Variants in AP3M1 observed in about 807,000 individuals in gnomAD.
The protein encoded by AP3M1 is adaptor related protein complex 3 subunit mu 1.
AP3M1 carries 29 observed loss-of-function variants against 42.6 expected under a neutral mutation model. The ratio of observed to expected loss-of-function variants is 0.68; its 90% CI spans 0.51 to 0.93. The LOEUF (loss-of-function observed/expected upper bound fraction) is 0.93, where lower values mean the gene tolerates loss of function less well. AP3M1 is among the 40% of genes least tolerant of loss of function. The pLI, the probability that AP3M1 is intolerant of heterozygous loss-of-function variation, is 0.00. For synonymous variants in AP3M1, 178 were observed against 175.3 expected (o/e 1.02, Z -0.12); for missense variants, 416 against 510.2 (o/e 0.82, Z 1.78).
At position 74,139,464 on chromosome 10, in the gene AP3M1, AC is replaced by A. The variant is rs1447857798; in HGVS notation, c.-3-1083del. Among the ~76,000 whole-genome samples the A allele has an allele frequency of 5.5e-3, 812 of 148,560 alleles. 11 individuals are homozygous for A. Among genetic ancestry groups the A allele is most frequent in the African/African-American group, 0.019 (760 of 40,112 alleles). On this transcript the variant is annotated intron_variant, in intron 1 of 8. Transcript: ENST00000355264. ...CCTCATCTCTATTAAAAAAAAAAAA[AC>A]AAAACAAAACTGAAAATGAAATAAA...
intron 3 of AP3M1, 94 bp downstream of exon 3, chr10:74,136,538 T>A: frequency 2.0e-6 from 2 of 1,006,264 alleles, no homozygotes; most frequent in Non-Finnish European, 2.7e-6. Context: ...GGCCAAATTG[T>A]ACTACCTTAA....
At chr10:74,149,272 T>G (rs1413415326) in intron 1 of AP3M1, among the ~76,000 whole-genome samples, 4 of 14,470 alleles carry the variant, frequency 2.8e-4, no homozygotes, top group Non-Finnish European at 1.7e-4. Context: ...GTAAGGTTTT[T>G]TTTTTTTTTT....
At chr10:74,129,304 T>C in intron 5 of AP3M1, 63 bp from the exon 6 acceptor site, 1 of 1,540,798 alleles carries the variant, frequency 6.5e-7, no homozygotes, top group Non-Finnish European at 8.8e-7. Flanking sequence ...TGTACTCAGA[T>C]ACCTTGACAA....
intron 2 of AP3M1, 100 bp downstream of exon 2, chr10:74,138,007 A>G: frequency 1.6e-6 from 2 of 1,239,828 alleles, no homozygotes; most frequent in Non-Finnish European, 2.2e-6. Context: ...AGAGAGACAG[A>G]CAGTAAACAT....
intron 3 of AP3M1, 30 bp downstream of exon 3, chr10:74,136,602 A>T: frequency 6.9e-7 from 1 of 1,442,162 alleles, no homozygotes; most frequent in Non-Finnish European, 9.3e-7. Flanking sequence ...TTAATTGCTC[A>T]GTTACTAGCA....
chr10:74,150,412 G>A (rs1841522368), intron 1 of AP3M1: 1 of 152,702 alleles, frequency 6.5e-6, no homozygotes, highest in African/African-American at 2.4e-5. Flanking sequence ...CCGCTAACAG[G>A]ACGTCTGCTC....
At chr10:74,124,616 C>A (rs1840563250) in intron 7 of AP3M1, 92 bp from the exon 8 acceptor site, 2 of 1,080,850 alleles carry the variant, frequency 1.9e-6, no homozygotes, top group Non-Finnish European at 2.6e-6. Flanking sequence ...AACTTCTGTA[C>A]AAACTGAAGT....
chr10:74,146,214 T>G (rs1057395781), intron 1 of AP3M1, among the ~76,000 whole-genome samples: 212 of 151,948 alleles, frequency 1.4e-3, no homozygotes, highest in Non-Finnish European at 2.1e-3. Flanking sequence ...ATATGGAAGG[T>G]GGAGGGAAGA....
Position 74,149,752 on chromosome 10 carries a change from T to C in AP3M1, c.-4+1003A>G, listed in dbSNP as rs550861672. Among the ~76,000 whole-genome samples, 9 of 152,312 alleles carry C rather than the reference T, an allele frequency of 5.9e-5. No individual in the cohort carries two copies. The East Asian group carries it at 1.7e-3, about 29-fold the overall frequency. On this transcript the variant is annotated intron_variant, in intron 1 of 8. Coordinates refer to ENST00000355264, the MANE Select transcript of AP3M1 (RefSeq NM_012095.6). ...GGGAGACAAGACTTTTTCTTGAATC[T>C]TCAAATAGTTGCTTGCTTCCTGCCC...
In AP3M1 at chr10:74,126,245, A is replaced by G; in HGVS notation, c.914T>C (p.Ile305Thr). The change falls in exon 7 of 9, where the codon ATT (isoleucine) becomes ACT (threonine). Residue 305 changes from isoleucine to threonine, a missense_variant. Physicochemically the swap from Ile to Thr is moderately conservative, Grantham distance 89. Transcript: ENST00000355264. ...GTGAACTGTCACTGTAATTCCTTCA[A>G]TAGTTTTCCCCATATTCTGCTTTGG... is the stretch of plus-strand genomic sequence containing the variant. The part of the protein sequence containing the change: ...IGPKQNMGKT[I>T]EGITVTVHMP... The G allele has an allele frequency of 6.2e-7, 1 of 1,614,170 alleles. No homozygotes were observed. Among genetic ancestry groups the G allele is most frequent in the Non-Finnish European group, 8.5e-7 (1 of 1,180,026 alleles).
intron 1 of AP3M1, among the ~76,000 whole-genome samples, chr10:74,140,255 C>T (rs939500072): frequency 2.6e-5 from 4 of 152,228 alleles, no homozygotes; most frequent in East Asian, 1.9e-4. Context: ...TGCAGGCGGC[C>T]GTGCGCCCAA....
In AP3M1 at chr10:74,123,464, C is replaced by G; in HGVS notation, c.*346G>C. On this transcript the variant is annotated 3_prime_UTR_variant, in exon 9 of 9. Coordinates refer to ENST00000355264, the MANE Select transcript of AP3M1 (RefSeq NM_012095.6). Reference sequence around the variant, plus strand: ...CATCACAGATTTAAGATAGCTTCTGCTGGATGAGACCAGTTAACTCTTTTA... The same window carrying G: ...CATCACAGATTTAAGATAGCTTCTGGTGGATGAGACCAGTTAACTCTTTTA... 1 of 228,974 alleles carries G rather than the reference C, an allele frequency of 4.4e-6. No homozygotes were observed. Among genetic ancestry groups the G allele is most frequent in the South Asian group, 8.5e-5 (1 of 11,756 alleles). The allele number at this position is 228,974 out of a possible 1,614,324, so 14.2% of individuals were successfully genotyped here.
chr10:74,139,221 A>C (rs2395086), intron 1 of AP3M1, among the ~76,000 whole-genome samples: 99,896 of 151,610 alleles, frequency 0.66, 33,625 homozygotes, highest in Middle Eastern at 0.8. Context: ...CACACACACA[A>C]AAAAAAACCT....
At chr10:74,126,543 T>C (rs1178179630) in intron 6 of AP3M1, among the ~76,000 whole-genome samples, 188 bp from the exon 7 acceptor site, 1 of 152,074 alleles carries the variant, frequency 6.6e-6, no homozygotes, top group East Asian at 1.9e-4. Flanking sequence ...AGCTGAGGAT[T>C]GAAAATATTA....
At chr10:74,125,956 T>C (rs1840601006) in intron 7 of AP3M1, among the ~76,000 whole-genome samples, 192 bp downstream of exon 7, 1 of 152,202 alleles carries the variant, frequency 6.6e-6, no homozygotes, top group Non-Finnish European at 1.5e-5. Context: ...CATTTTTCTG[T>C]TCATCTACTC....
At chr10:74,137,901 G>A (rs1392922971) in intron 2 of AP3M1, among the ~76,000 whole-genome samples, 1 of 152,150 alleles carries the variant, frequency 6.6e-6, no homozygotes, top group Non-Finnish European at 1.5e-5. Context: ...AGAGCCAACT[G>A]TAATCTGTAA....
rs1302504622 is a variant in AP3M1, at chr10:74,138,151, G to C, written c.229C>G (p.Leu77Val). ...VSVIQTEVPPLFVIEFLHRVA... is the reference protein window; with the variant it reads ...VSVIQTEVPPVFVIEFLHRVA... ...CGATGTAGGAACTCAATTACAAAGA[G>C]AGGTGGCACTTCGGTCTGTATGACA... is the stretch of plus-strand genomic sequence containing the variant. Residue 77 changes from leucine (L) to valine (V), a missense_variant, in exon 2 of 9, where the codon CTC becomes GTC. By Grantham distance (32) the Leu-to-Val change is conservative (BLOSUM62 1). Coordinates refer to ENST00000355264, the MANE Select transcript of AP3M1 (RefSeq NM_012095.6). 6.2e-7 allele frequency: 1 copy of C among 1,614,130 alleles called. No homozygotes were observed. Among genetic ancestry groups the C allele is most frequent in the Non-Finnish European group, 8.5e-7 (1 of 1,180,006 alleles).
intron 7 of AP3M1, among the ~76,000 whole-genome samples, chr10:74,125,849 A>T (rs1840597271): frequency 6.6e-6 from 1 of 152,330 alleles, no homozygotes; most frequent in African/African-American, 2.4e-5. Flanking sequence ...TTCTCTTTTT[A>T]AAAAAGCTTT....
chr10:74,129,874 C>G (rs767290136), intron 5 of AP3M1, 33 bp downstream of exon 5: 3 of 1,433,890 alleles, frequency 2.1e-6, no homozygotes, highest in Non-Finnish European at 2.9e-6. Flanking sequence ...ATTAGGCATT[C>G]AAGGGGCTAT....
Sources: allele counts gnomAD v4.1 joint callset (sites outside exome capture counted in the v4.1 genomes callset), GRCh38; gene constraint gnomAD v4.1.1; transcripts MANE v1.5; gene names NCBI Gene and HGNC (gene_info 2026-07-23, HGNC 2026-07-21).